PTPN12: variants seen among roughly 807,000 people sequenced by gnomAD.
The protein encoded by PTPN12 is protein tyrosine phosphatase non-receptor type 12, also known as tyrosine-protein phosphatase non-receptor type 12.
A neutral mutation model predicts 97.6 loss-of-function variants in PTPN12; 29 were observed. The ratio of observed to expected loss-of-function variants is 0.30; its 90% CI spans 0.22 to 0.41. PTPN12 has a LOEUF of 0.41. Among genes scored for constraint, PTPN12 ranks in the 10% least tolerant of loss-of-function variants. The pLI, the probability that PTPN12 is intolerant of heterozygous loss-of-function variation, is 1.00. For synonymous variants in PTPN12, 327 were observed against 300.4 expected (o/e 1.09, Z -0.91); for missense variants, 819 against 926.0 (o/e 0.88, Z 1.50).
intron 7 of PTPN12, among the ~76,000 whole-genome samples, chr7:77,598,431 C>T (rs1305940530): frequency 2.6e-5 from 4 of 152,102 alleles, no homozygotes; most frequent in Admixed American, 2.6e-4. Context: ...CTGTAATCCC[C>T]AACACTTTGG....
chr7:77,575,026 G>A lies in PTPN12; in HGVS notation c.208+3840G>A, dbSNP rs566425237. 8.9e-3 allele frequency among the ~76,000 whole-genome samples: 1,356 copies of A among 151,962 alleles called. 7 individuals carry two copies. The highest frequency in any genetic ancestry group is 0.017 in the Middle Eastern group (5 of 294). ...TTTTGGTATTTTTAGTAGAGACAGG[G>A]TTTCACCATGTCGGCCAGGCTGGTC... On this transcript the variant is annotated intron_variant, in intron 2 of 17. Transcript: ENST00000248594.
At position 77,573,753 on chromosome 7, in the gene PTPN12, G is replaced by C. The variant is rs549226437; in HGVS notation, c.208+2567G>C. 2.6e-5 allele frequency among the ~76,000 whole-genome samples: 4 copies of C among 152,168 alleles called. No homozygotes were observed. The South Asian group carries it at 8.3e-4, about 32-fold the overall frequency. On this transcript the variant is annotated intron_variant, in intron 2 of 17. Transcript: ENST00000248594. ...TAGCCGTAGGTTTCTCTTTTCATAT[G>C]ATGTTTCATTTTCTTCTTTGTTTTT...
intron 8 of PTPN12, among the ~76,000 whole-genome samples, chr7:77,602,490 C>A (rs1382677019): frequency 6.6e-6 from 1 of 151,638 alleles, no homozygotes; most frequent in African/African-American, 2.4e-5. Flanking sequence ...GTGTCATGAC[C>A]GGGTATAGTG....
chr7:77,607,757 T>C (rs900530844), intron 9 of PTPN12, among the ~76,000 whole-genome samples: 11 of 151,808 alleles, frequency 7.2e-5, no homozygotes, highest in African/African-American at 2.7e-4. Flanking sequence ...TTTTTTTTTT[T>C]TTCTTTTTTT....
At chr7:77,621,766 A>T (rs1237068968) in intron 12 of PTPN12, among the ~76,000 whole-genome samples, 1 of 152,182 alleles carries the variant, frequency 6.6e-6, no homozygotes, top group Non-Finnish European at 1.5e-5. Flanking sequence ...CTTTTATATG[A>T]CTGACAGCAT....
Position 77,638,709 on chromosome 7 carries a change from TC to T in PTPN12, c.2261del (p.Pro754GlnfsTer32). On this transcript the variant is annotated frameshift_variant, in exon 17 of 18. Transcript: ENST00000248594. LOFTEE classifies it high-confidence loss of function. Reference protein sequence around the residue: ...SDKREQISENPTEATDIGFGN... With the variant: ...SDKREQISENXTEATDIGFGN... ...ACAAGAGAGAACAAATATCAGAAAATCCAACAGAAGCCACAGATATTGGTAA... is the reference window on the plus strand; with the variant it reads ...ACAAGAGAGAACAAATATCAGAAAATCAACAGAAGCCACAGATATTGGTAA... The T allele has an allele frequency of 1.2e-6, 2 of 1,605,462 alleles. No homozygotes were observed. The highest frequency in any genetic ancestry group is 1.7e-5 in the Admixed American group (1 of 57,884).
At chr7:77,571,474 A>T (rs180716469) in intron 2 of PTPN12, among the ~76,000 whole-genome samples, 15 of 152,310 alleles carry the variant, frequency 9.8e-5, no homozygotes, top group Non-Finnish European at 2.9e-5. Context: ...CTGTTCAAAG[A>T]TGTTATTTCA....
intron 8 of PTPN12, among the ~76,000 whole-genome samples, chr7:77,604,124 A>G (rs1369888278): frequency 1.3e-5 from 2 of 148,870 alleles, no homozygotes; most frequent in East Asian, 2.0e-4. Context: ...TCCTGACCTC[A>G]TGATCTGCCC....
intron 1 of PTPN12, among the ~76,000 whole-genome samples, chr7:77,546,170 C>G (rs1264465438): frequency 6.6e-6 from 1 of 152,002 alleles, no homozygotes; most frequent in Admixed American, 6.6e-5. Context: ...TTTTATAAAC[C>G]AGTACTTGGA....
intron 1 of PTPN12, among the ~76,000 whole-genome samples, chr7:77,538,524 C>T (rs980338272): frequency 6.6e-6 from 1 of 152,010 alleles, no homozygotes; most frequent in Non-Finnish European, 1.5e-5. Flanking sequence ...GGGAGATAAC[C>T]TTCCCAGCGC....
intron 8 of PTPN12, among the ~76,000 whole-genome samples, chr7:77,604,651 T>C (rs1788301692): frequency 6.6e-6 from 1 of 152,206 alleles, no homozygotes; most frequent in African/African-American, 2.4e-5. Flanking sequence ...GATTTTTGAA[T>C]GGTTTTTGTC....
At chr7:77,539,629 G>T (rs1165003462) in intron 1 of PTPN12, among the ~76,000 whole-genome samples, 1 of 148,680 alleles carries the variant, frequency 6.7e-6, no homozygotes, top group Non-Finnish European at 1.5e-5. Flanking sequence ...TGGTTGGTTG[G>T]TTTTTTTTTT....
intron 12 of PTPN12, among the ~76,000 whole-genome samples, chr7:77,622,797 A>C (rs1788987232): frequency 6.6e-6 from 1 of 151,904 alleles, no homozygotes. Flanking sequence ...AAGAAATTAA[A>C]ATACTATAAA....
chr7:77,559,848 G>A (rs1473949583), intron 1 of PTPN12, among the ~76,000 whole-genome samples: 2 of 152,192 alleles, frequency 1.3e-5, no homozygotes, highest in Non-Finnish European at 2.9e-5. Context: ...AAAGAAATAG[G>A]TTATTATCTG....
intron 9 of PTPN12, among the ~76,000 whole-genome samples, chr7:77,608,594 T>C (rs1584184935): frequency 1.3e-5 from 2 of 152,380 alleles, no homozygotes; most frequent in East Asian, 3.8e-4. Flanking sequence ...TGTTCATCTT[T>C]GTCTTGTACA....
chr7:77,581,546 T>C, intron 3 of PTPN12, 43 bp downstream of exon 3: 1 of 1,231,568 alleles, frequency 8.1e-7, no homozygotes, highest in African/African-American at 1.6e-5. Flanking sequence ...CATATTAATG[T>C]CTTTCTACAT....
At chr7:77,538,184 G>T (rs900206196) in intron 1 of PTPN12, 10 of 798,682 alleles carry the variant, frequency 1.3e-5, no homozygotes, top group African/African-American at 1.9e-5. Context: ...CGTTTCTGGG[G>T]TCGCAGTCAT....
chr7:77,636,613 A>AT (rs1467420407), intron 15 of PTPN12, among the ~76,000 whole-genome samples: 1 of 152,090 alleles, frequency 6.6e-6, no homozygotes, highest in African/African-American at 2.4e-5. Flanking sequence ...AGGAGATAAC[A>AT]TTTTTTATTA....
chr7:77,607,185 T>C (rs1788403300), intron 8 of PTPN12, 50 bp from the exon 9 acceptor site: 1 of 1,368,420 alleles, frequency 7.3e-7, no homozygotes, highest in Non-Finnish European at 1.0e-6. Context: ...ATTTATTTTA[T>C]AGTTGTTTTA....
Sources: allele counts gnomAD v4.1 joint callset (sites outside exome capture counted in the v4.1 genomes callset), GRCh38; gene constraint gnomAD v4.1.1; transcripts MANE v1.5; gene names NCBI Gene and HGNC (gene_info 2026-07-23, HGNC 2026-07-21).